The following USP12 variants were observed in gnomAD, a reference collection of about 807,000 sequenced individuals.
USP12 encodes ubiquitin specific peptidase 12, also known as ubiquitin carboxyl-terminal hydrolase 12.
A neutral mutation model predicts 45.5 loss-of-function variants in USP12; 19 were observed. The ratio of observed to expected loss-of-function variants is 0.42; its 90% CI spans 0.29 to 0.61. USP12 has a LOEUF of 0.61. Ranked by LOEUF, USP12 falls within the 20% of genes least tolerant of loss-of-function variation. The pLI is 0.22. For synonymous variants in USP12, 149 were observed against 148.8 expected (o/e 1.00, Z -0.01); for missense variants, 242 against 447.7 (o/e 0.54, Z 4.15).
At chr13:27,112,230 T>C (rs1875483889) in intron 2 of USP12, among the ~76,000 whole-genome samples, 1 of 152,076 alleles carries the variant, frequency 6.6e-6, no homozygotes, top group African/African-American at 2.4e-5. Flanking sequence ...AATAATTAAA[T>C]GAATCATCAC....
chr13:27,103,851 GACAA>G (rs1257642044), intron 3 of USP12, among the ~76,000 whole-genome samples: 1 of 151,628 alleles, frequency 6.6e-6, no homozygotes, highest in Non-Finnish European at 1.5e-5. Flanking sequence ...CCCCAGGTTT[GACAA>G]ACAAACATAT....
intron 1 of USP12, among the ~76,000 whole-genome samples, chr13:27,144,499 T>TAAG (rs1296679287): frequency 2.5e-5 from 3 of 118,072 alleles, no homozygotes; most frequent in Non-Finnish European, 5.1e-5. Flanking sequence ...AGACTCTCTT[T>TAAG]AAAAAAAAAA....
intron 1 of USP12, among the ~76,000 whole-genome samples, chr13:27,131,309 G>A (rs1876489760): frequency 6.6e-6 from 1 of 152,164 alleles, no homozygotes. Context: ...CTCAAACCAC[G>A]TGACTCTGGG....
intron 1 of USP12, among the ~76,000 whole-genome samples, chr13:27,159,556 G>A (rs1454978476): frequency 6.6e-6 from 1 of 152,116 alleles, no homozygotes; most frequent in Non-Finnish European, 1.5e-5. Flanking sequence ...TGTTAACTTG[G>A]ATGTCAACCA....
intron 1 of USP12, among the ~76,000 whole-genome samples, chr13:27,130,561 CAAA>C (rs5802413): frequency 1.4e-4 from 17 of 124,766 alleles, no homozygotes; most frequent in Non-Finnish European, 1.3e-4. Flanking sequence ...CAAAACATGC[CAAA>C]AAAAAAAAAA....
intron 1 of USP12, among the ~76,000 whole-genome samples, chr13:27,165,372 A>C (rs890972463): frequency 3.9e-5 from 6 of 152,220 alleles, no homozygotes; most frequent in Non-Finnish European, 5.9e-5. Flanking sequence ...GTTTCTTATA[A>C]TGAAAAGGAA....
At chr13:27,084,120 C>CA (rs1190213239) in intron 6 of USP12, among the ~76,000 whole-genome samples, 2 of 147,044 alleles carry the variant, frequency 1.4e-5, no homozygotes, top group African/African-American at 2.5e-5. Context: ...TTTTTAACTA[C>CA]AAAAAAAATA....
In USP12 at chr13:27,068,937, C is replaced by A. The variant is rs1429798665; in HGVS notation, c.*346G>T. The A allele has an allele frequency of 6.5e-6, 2 of 307,550 alleles. No individual in the cohort carries two copies. 19.1% of individuals were successfully genotyped at this position (307,550 alleles called of 1,614,324 possible). On this transcript the variant is annotated 3_prime_UTR_variant, in exon 9 of 9. Transcript: ENST00000282344. ...TATCAATACGGCACAGATTCCGATT[C>A]TTTCTACTGCACCCCCAAGGAATTC...
intron 1 of USP12, among the ~76,000 whole-genome samples, chr13:27,139,410 G>A (rs1248586564): frequency 6.6e-6 from 1 of 152,180 alleles, no homozygotes. Context: ...GAGGTCAGGA[G>A]TTTGAGACCA....
At position 27,139,863 on chromosome 13, in the gene USP12, TA is replaced by T. The variant is rs562108617; in HGVS notation, c.49-23268del. Among the ~76,000 whole-genome samples the T allele has an allele frequency of 1.5e-4, 23 of 152,298 alleles. 1 individual carries two copies. In the South Asian group the frequency reaches 4.8e-3, roughly 32 times the overall value. ...GGACAGGTGATACAAAGTTATGACT[TA>T]TCCTTACAGAAAGGGAAACAGAGTT... is the stretch of plus-strand genomic sequence containing the variant. On this transcript the variant is annotated intron_variant, in intron 1 of 8. Transcript: ENST00000282344.
At chr13:27,079,235 G>T (rs1413250920) in intron 6 of USP12, among the ~76,000 whole-genome samples, 1 of 140,450 alleles carries the variant, frequency 7.1e-6, no homozygotes, top group African/African-American at 2.6e-5. Flanking sequence ...GGAGTGGGGG[G>T]AGAGGGAAGG....
At chr13:27,086,185 A>ATATATATAT (rs1343835143) in intron 6 of USP12, among the ~76,000 whole-genome samples, 75 of 58,830 alleles carry the variant, frequency 1.3e-3, no homozygotes, top group Non-Finnish European at 1.8e-3. Flanking sequence ...AAAAAAAAAA[A>ATATATATAT]AAAAAAAAAA....
At chr13:27,108,449 G>T (rs1256068646) in intron 2 of USP12, among the ~76,000 whole-genome samples, 1 of 151,686 alleles carries the variant, frequency 6.6e-6, no homozygotes, top group Non-Finnish European at 1.5e-5. Context: ...GGAGTTAATG[G>T]GTGCAGCACA....
chr13:27,109,757 T>C (rs190716683), intron 2 of USP12, among the ~76,000 whole-genome samples: 13 of 151,750 alleles, frequency 8.6e-5, no homozygotes, highest in Middle Eastern at 3.4e-3. Flanking sequence ...CTACTAAAAA[T>C]ACAAAAACTA....
Position 27,156,443 on chromosome 13 carries a change from C to T in USP12, c.48+15149G>A, listed in dbSNP as rs190922438. Among the ~76,000 whole-genome samples, 1,300 of 152,246 alleles carry T rather than the reference C, an allele frequency of 8.5e-3. 21 individuals carry two copies. The highest frequency in any genetic ancestry group is 0.03 in the African/African-American group (1,233 of 41,556). ...TAAGAGATATAGTGACGAAACGCAA[C>T]GATGATCATTATGGATCCAACTATA... is the stretch of plus-strand genomic sequence containing the variant. On this transcript the variant is annotated intron_variant, in intron 1 of 8. Transcript: ENST00000282344.
chr13:27,141,620 A>T (rs1026312861), intron 1 of USP12, among the ~76,000 whole-genome samples: 1 of 152,184 alleles, frequency 6.6e-6, no homozygotes, highest in African/African-American at 2.4e-5. Flanking sequence ...TATCAAAATC[A>T]ATAATAATAA....
chr13:27,106,141 T>C (rs1875125216), intron 2 of USP12, among the ~76,000 whole-genome samples, 197 bp from the exon 3 acceptor site: 1 of 152,024 alleles, frequency 6.6e-6, no homozygotes, highest in Admixed American at 6.6e-5. Flanking sequence ...AAGTTTTCTA[T>C]CAGGTTCTTA....
intron 3 of USP12, among the ~76,000 whole-genome samples, chr13:27,105,407 CAAA>C (rs768928727): frequency 1.3e-5 from 2 of 149,312 alleles, no homozygotes; most frequent in African/African-American, 4.9e-5. Context: ...CATAAGCATG[CAAA>C]AAAAAAGAAA....
chr13:27,132,077 C>T (rs905598242), intron 1 of USP12, among the ~76,000 whole-genome samples: 1 of 152,142 alleles, frequency 6.6e-6, no homozygotes, highest in Admixed American at 6.5e-5. Flanking sequence ...GTAAGAAATC[C>T]GGGCTATGAA....
Sources: gnomAD v4.1 joint callset for allele counts (sites outside exome capture counted in the v4.1 genomes callset) on GRCh38, gnomAD v4.1.1 for gene constraint, MANE v1.5 for transcripts, NCBI Gene and HGNC (gene_info 2026-07-23, HGNC 2026-07-21) for gene names.